Variants in CDK14 observed in about 807,000 individuals in gnomAD.
CDK14 encodes cyclin dependent kinase 14, also known as cyclin-dependent kinase 14.
In CDK14, 34 loss-of-function variants were observed where a neutral mutation model predicts 60.7. The observed-to-expected ratio is 0.56, with a 90% CI of 0.43 to 0.75. The LOEUF is 0.75. CDK14 is among the 30% of genes least tolerant of loss of function. CDK14 has a pLI of 0.00. For missense variants in CDK14, 482 were observed against 564.1 expected (o/e 0.85, Z 1.47); for synonymous variants, 197 against 203.7 (o/e 0.97, Z 0.28).
chr7:91,207,102 A>T (rs1470179292), intron 14 of CDK14, 63 bp from the exon 15 acceptor site: 2 of 152,176 alleles, frequency 1.3e-5, no homozygotes, highest in Non-Finnish European at 2.9e-5. Flanking sequence ...TGTTTCATGT[A>T]ATTTAGAAGA....
At chr7:91,024,174 C>T (rs1420468831) in intron 10 of CDK14, among the ~76,000 whole-genome samples, 4 of 152,022 alleles carry the variant, frequency 2.6e-5, no homozygotes, top group African/African-American at 9.7e-5. Flanking sequence ...CTGATATTTA[C>T]TGAGTGCCAC....
At chr7:90,794,017 C>T (rs892122106) in intron 5 of CDK14, among the ~76,000 whole-genome samples, 2 of 152,022 alleles carry the variant, frequency 1.3e-5, no homozygotes, top group African/African-American at 4.8e-5. Flanking sequence ...GTCGGATGGT[C>T]TGAGAAATAA....
In CDK14 at chr7:91,031,434, T is replaced by G. The variant is rs571894803; in HGVS notation, c.1042-14463T>G. 3.9e-5 allele frequency among the ~76,000 whole-genome samples: 6 copies of G among 152,262 alleles called. No homozygotes were observed. In the East Asian group the frequency reaches 7.7e-4, roughly 20 times the overall value. On this transcript the variant is annotated intron_variant, in intron 10 of 14. Transcript: ENST00000380050. Reference sequence around the variant, plus strand: ...TAAGTGAAAAAAAAATCCCAAAATATTAGATACAGCATTATATCTTGTATG... The same window carrying G: ...TAAGTGAAAAAAAAATCCCAAAATAGTAGATACAGCATTATATCTTGTATG...
intron 5 of CDK14, among the ~76,000 whole-genome samples, chr7:90,828,220 G>T (rs1789789871): frequency 1.3e-5 from 2 of 152,146 alleles, no homozygotes; most frequent in African/African-American, 4.8e-5. Flanking sequence ...CTCTGGAAGT[G>T]GTGTTGTTAT....
chr7:90,700,661 A>G (rs572117786), intron 2 of CDK14, among the ~76,000 whole-genome samples: 50 of 152,296 alleles, frequency 3.3e-4, no homozygotes, highest in African/African-American at 1.2e-3. Context: ...CTGTGGATAT[A>G]CATGCATCTC....
chr7:90,767,742 A>G lies in CDK14; in HGVS notation c.464+19967A>G, dbSNP rs570648757. Reference sequence around the variant, plus strand: ...CCCTTTTATTCTTCTCACAAATAACATAGGAACTAATATTATAGTAAGAAC... The same window carrying G: ...CCCTTTTATTCTTCTCACAAATAACGTAGGAACTAATATTATAGTAAGAAC... On this transcript the variant is annotated intron_variant, in intron 4 of 14. Coordinates refer to ENST00000380050, the MANE Select transcript of CDK14 (RefSeq NM_001287135.2). 8.5e-5 allele frequency among the ~76,000 whole-genome samples: 13 copies of G among 152,322 alleles called. No homozygotes were observed. In the South Asian group the frequency reaches 2.7e-3, roughly 32 times the overall value.
At position 91,102,646 on chromosome 7, in the gene CDK14, A is replaced by G. The variant is rs539328616; in HGVS notation, c.1155-9896A>G. 5.3e-5 allele frequency among the ~76,000 whole-genome samples: 8 copies of G among 152,138 alleles called. No individual in the cohort carries two copies. In the South Asian group the frequency reaches 1.5e-3, roughly 28 times the overall value. Reference sequence around the variant, plus strand: ...AAAAAAAAACCCTAAATCAAAACAAACATCCATGCAGTCCTAGTTTATAAG... The same window carrying G: ...AAAAAAAAACCCTAAATCAAAACAAGCATCCATGCAGTCCTAGTTTATAAG... On this transcript the variant is annotated intron_variant, in intron 12 of 14. Coordinates refer to ENST00000380050, the MANE Select transcript of CDK14 (RefSeq NM_001287135.2).
intron 9 of CDK14, among the ~76,000 whole-genome samples, chr7:90,973,340 A>G (rs898070047): frequency 1.5e-4 from 23 of 152,260 alleles, no homozygotes; most frequent in African/African-American, 4.3e-4. Flanking sequence ...ATGGCAGTGC[A>G]CGGGCTATGC....
At chr7:90,661,216 A>G (rs1198515786) in intron 2 of CDK14, among the ~76,000 whole-genome samples, 3 of 152,094 alleles carry the variant, frequency 2.0e-5, no homozygotes, top group Admixed American at 6.6e-5. Context: ...TCTCAAACTG[A>G]AATTAAAAGC....
chr7:90,665,153 C>T (rs1053732493), intron 2 of CDK14, among the ~76,000 whole-genome samples: 7 of 151,632 alleles, frequency 4.6e-5, no homozygotes, highest in Non-Finnish European at 8.8e-5. Context: ...GGCATAGTGG[C>T]GGGCGCCTGT....
At chr7:91,138,960 C>G (rs1245180174) in intron 14 of CDK14, among the ~76,000 whole-genome samples, 1 of 152,140 alleles carries the variant, frequency 6.6e-6, no homozygotes, top group Non-Finnish European at 1.5e-5. Context: ...TGATGGAAGC[C>G]AGGTTGACTT....
chr7:90,816,193 A>G (rs1231916034), intron 5 of CDK14, among the ~76,000 whole-genome samples: 3 of 152,224 alleles, frequency 2.0e-5, no homozygotes, highest in African/African-American at 7.2e-5. Flanking sequence ...TAAAATTCCT[A>G]TAAACATAAA....
chr7:90,899,152 C>T (rs1229529882), intron 6 of CDK14, 139 bp from the exon 7 acceptor site: 2 of 574,420 alleles, frequency 3.5e-6, no homozygotes, highest in Non-Finnish European at 5.9e-6. Flanking sequence ...AGGCATGCCA[C>T]TACATACACT....
intron 9 of CDK14, among the ~76,000 whole-genome samples, chr7:90,978,321 A>C (rs985326263): frequency 6.6e-6 from 1 of 152,186 alleles, no homozygotes; most frequent in African/African-American, 2.4e-5. Flanking sequence ...GGAAGAAAAA[A>C]GTTCAAGGGA....
intron 5 of CDK14, among the ~76,000 whole-genome samples, chr7:90,835,772 C>T (rs1321378717): frequency 4.6e-5 from 7 of 151,968 alleles, no homozygotes; most frequent in Admixed American, 2.6e-4. Flanking sequence ...ATAAATGTAC[C>T]GTTAGGTGAT....
At chr7:90,862,943 G>A (rs1791055423) in intron 5 of CDK14, among the ~76,000 whole-genome samples, 1 of 152,124 alleles carries the variant, frequency 6.6e-6, no homozygotes, top group African/African-American at 2.4e-5. Flanking sequence ...TTGTCAGGAG[G>A]CTGAAGAACG....
At chr7:91,178,102 C>G (rs1460731734) in intron 14 of CDK14, among the ~76,000 whole-genome samples, 3 of 30,434 alleles carry the variant, frequency 9.9e-5, no homozygotes, top group African/African-American at 2.7e-4. Flanking sequence ...GGTACTGGTA[C>G]CAAAACAGAG....
At chr7:90,771,404 A>G (rs2116893278) in intron 4 of CDK14, among the ~76,000 whole-genome samples, 1 of 152,262 alleles carries the variant, frequency 6.6e-6, no homozygotes, top group South Asian at 2.1e-4. Context: ...TTACTCTCAC[A>G]GTTTGGTGAG....
chr7:91,173,784 C>T (rs527627577), intron 14 of CDK14, among the ~76,000 whole-genome samples: 11 of 152,336 alleles, frequency 7.2e-5, no homozygotes, highest in South Asian at 4.1e-4. Context: ...GATTATATCC[C>T]GCACCTGGCT....
Sources: allele counts gnomAD v4.1 joint callset (sites outside exome capture counted in the v4.1 genomes callset), GRCh38; gene constraint gnomAD v4.1.1; transcripts MANE v1.5; gene names NCBI Gene and HGNC (gene_info 2026-07-23, HGNC 2026-07-21).